SMYD3: variants seen among roughly 807,000 people sequenced by gnomAD.
SMYD3 encodes histone-lysine N-methyltransferase SMYD3.
Under a neutral mutation model 57.7 loss-of-function variants are expected in SMYD3, and 36 were observed. The observed-to-expected ratio is 0.62, with a 90% CI of 0.48 to 0.82. The LOEUF (loss-of-function observed/expected upper bound fraction) is 0.82, where lower values mean the gene tolerates loss of function less well. SMYD3 is among the 40% of genes least tolerant of loss of function. The pLI is 0.00. For missense variants in SMYD3, 515 were observed against 538.8 expected (o/e 0.96, Z 0.44); for synonymous variants, 211 against 195.0 (o/e 1.08, Z -0.68).
intron 5 of SMYD3, among the ~76,000 whole-genome samples, chr1:246,292,724 G>C (rs139370356): frequency 1.2e-4 from 18 of 152,140 alleles, no homozygotes; most frequent in African/African-American, 4.3e-4. Flanking sequence ...CCATGAACAC[G>C]TATTGCCAAC....
chr1:246,101,070 T>TG (rs1553288892), intron 5 of SMYD3, among the ~76,000 whole-genome samples: 1 of 40,510 alleles, frequency 2.5e-5, no homozygotes, highest in East Asian at 3.0e-4. Flanking sequence ...AGGGGTTTTT[T>TG]GTTTTTTTTT....
intron 5 of SMYD3, among the ~76,000 whole-genome samples, chr1:246,093,959 G>A (rs1035607266): frequency 6.6e-6 from 1 of 152,084 alleles, no homozygotes; most frequent in African/African-American, 2.4e-5. Context: ...CTAGAAGTCG[G>A]TGTAGCGTGT....
chr1:245,912,642 T>G (rs969962089), intron 8 of SMYD3, among the ~76,000 whole-genome samples: 1 of 152,100 alleles, frequency 6.6e-6, no homozygotes, highest in Non-Finnish European at 1.5e-5. Flanking sequence ...AACATGGAAT[T>G]GGTATAAAAA....
intron 5 of SMYD3, among the ~76,000 whole-genome samples, chr1:245,991,143 C>T (rs1016680695): frequency 5.3e-5 from 8 of 152,160 alleles, no homozygotes; most frequent in Admixed American, 5.2e-4. Flanking sequence ...GATTTCTTTC[C>T]TATATGTGGA....
intron 10 of SMYD3, among the ~76,000 whole-genome samples, chr1:245,827,546 C>A (rs1290792339): frequency 6.6e-6 from 1 of 152,198 alleles, no homozygotes. Flanking sequence ...CACACGCACT[C>A]CCGGTATTTC....
intron 1 of SMYD3, among the ~76,000 whole-genome samples, chr1:246,483,220 C>A (rs1001484219): frequency 6.6e-6 from 1 of 152,196 alleles, no homozygotes; most frequent in African/African-American, 2.4e-5. Context: ...TGTGCCTGAA[C>A]ATTAAGAGTT....
intron 2 of SMYD3, among the ~76,000 whole-genome samples, chr1:246,354,373 T>C (rs1222420627): frequency 6.6e-6 from 1 of 152,198 alleles, no homozygotes; most frequent in Non-Finnish European, 1.5e-5. Context: ...GCATTATCTT[T>C]AAAAATTCAA....
At chr1:245,927,093 GCTTTCAGTA>G (rs2056425048) in intron 7 of SMYD3, among the ~76,000 whole-genome samples, 1 of 152,242 alleles carries the variant, frequency 6.6e-6, no homozygotes, top group African/African-American at 2.4e-5. Flanking sequence ...TGCAATAAAA[GCTTTCAGTA>G]CTGTTTTCCT....
intron 5 of SMYD3, among the ~76,000 whole-genome samples, chr1:246,134,741 A>G (rs2061640969): frequency 6.6e-6 from 1 of 151,842 alleles, no homozygotes; most frequent in Non-Finnish European, 1.5e-5. Flanking sequence ...ATAACCATGC[A>G]GCTTTCCATT....
chr1:245,848,103 C>CT (rs35906120), intron 10 of SMYD3, among the ~76,000 whole-genome samples: 115,634 of 147,910 alleles, frequency 0.78, 45,907 homozygotes, highest in Middle Eastern at 0.92. Flanking sequence ...GAGATAAAGT[C>CT]TTTTTTTTTT....
intron 5 of SMYD3, chr1:246,326,265 A>G (rs1380491240): frequency 2.0e-6 from 1 of 512,736 alleles, no homozygotes; most frequent in African/African-American, 2.0e-5. Flanking sequence ...TTAAATTGTG[A>G]TCAACATTAA....
chr1:246,355,253 C>T lies in SMYD3; in HGVS notation c.165-159G>A, dbSNP rs2065894098. The T allele has an allele frequency of 1.6e-6, 1 of 642,608 alleles. No individual in the cohort carries two copies. The highest frequency in any genetic ancestry group is 2.0e-5 in the South Asian group (1 of 49,916). The allele number at this position is 642,608 out of a possible 1,614,324, so 39.8% of individuals were successfully genotyped here. On this transcript the variant is annotated intron_variant, in intron 1 of 11. Transcript: ENST00000490107. This position sits in a 1 kb window ranked among gnomAD's most constrained non-coding sequence, Gnocchi z 5.0. ...TTTGGATTTTCACACTGATGAGCCT[C>T]CTCTTGAACCTTCCATGTGAGACAC... is the stretch of plus-strand genomic sequence containing the variant.
chr1:246,205,670 A>G (rs571661578), intron 5 of SMYD3, among the ~76,000 whole-genome samples: 1 of 152,258 alleles, frequency 6.6e-6, no homozygotes, highest in South Asian at 2.1e-4. Context: ...AAATACAAAA[A>G]TTAGCTGGGC....
intron 7 of SMYD3, among the ~76,000 whole-genome samples, chr1:245,926,554 A>T (rs965462831): frequency 2.0e-5 from 3 of 152,196 alleles, no homozygotes; most frequent in Non-Finnish European, 4.4e-5. Context: ...AGAGATGGAA[A>T]GAGAAAGATG....
intron 1 of SMYD3, among the ~76,000 whole-genome samples, chr1:246,414,849 T>G (rs1427755785): frequency 6.6e-6 from 1 of 151,586 alleles, no homozygotes; most frequent in South Asian, 2.1e-4. Context: ...TCTGAGTAGC[T>G]GGAATTACAG....
At chr1:246,204,183 G>C (rs1457925704) in intron 5 of SMYD3, among the ~76,000 whole-genome samples, 1 of 152,106 alleles carries the variant, frequency 6.6e-6, no homozygotes, top group Non-Finnish European at 1.5e-5. Context: ...ACTGTAAGTG[G>C]GCCAAATAAA....
chr1:246,069,754 G>A (rs892627762), intron 5 of SMYD3, among the ~76,000 whole-genome samples: 1 of 152,150 alleles, frequency 6.6e-6, no homozygotes. Context: ...GCAGCAGCAG[G>A]CTCACTCCTC....
At chr1:246,413,360 T>A (rs1056525435) in intron 1 of SMYD3, among the ~76,000 whole-genome samples, 1 of 152,086 alleles carries the variant, frequency 6.6e-6, no homozygotes, top group African/African-American at 2.4e-5. Flanking sequence ...TCGGATAGAA[T>A]TAAAATCCAC....
intron 10 of SMYD3, among the ~76,000 whole-genome samples, chr1:245,830,683 A>C (rs1334726423): frequency 1.3e-5 from 2 of 152,236 alleles, no homozygotes; most frequent in African/African-American, 4.8e-5. Context: ...TGTAGGAAGT[A>C]GAAAGCTTAG....
Sources: gnomAD v4.1 joint callset for allele counts (sites outside exome capture counted in the v4.1 genomes callset) on GRCh38, gnomAD v4.1.1 for gene constraint, Gnocchi (gnomAD v3.1) non-coding constraint, MANE v1.5 for transcripts, NCBI Gene and HGNC (gene_info 2026-07-23, HGNC 2026-07-21) for gene names.